WDPCP: variants seen among roughly 807,000 people sequenced by gnomAD.
WDPCP encodes WD repeat-containing and planar cell polarity effector protein fritz homolog.
Under a neutral mutation model 93.1 loss-of-function variants are expected in WDPCP, and 71 were observed. The observed-to-expected ratio is 0.76, with a 90% CI of 0.63 to 0.93. The LOEUF (loss-of-function observed/expected upper bound fraction) is 0.93, where lower values mean the gene tolerates loss of function less well. Among genes scored for constraint, WDPCP ranks in the 40% least tolerant of loss-of-function variants. The pLI is 0.00. For synonymous variants in WDPCP, 315 were observed against 315.0 expected, an observed-to-expected ratio of 1.00 and a Z score of 0.00; for missense variants, 844 against 887.4, an observed-to-expected ratio of 0.95 and a Z score of 0.62.
chr2:63,315,444 A>G (rs376178882), intron 12 of WDPCP, among the ~76,000 whole-genome samples: 2 of 152,138 alleles, frequency 1.3e-5, no homozygotes, highest in East Asian at 3.8e-4. Flanking sequence ...GAGGCCCTCA[A>G]TGATTTTTTA....
intron 2 of WDPCP, among the ~76,000 whole-genome samples, chr2:63,748,965 G>T (rs759309624): frequency 1.1e-4 from 16 of 152,040 alleles, no homozygotes; most frequent in Non-Finnish European, 2.1e-4. Flanking sequence ...GTGGTTTTTG[G>T]TAACACACAG....
chr2:63,361,374 C>G (rs1690441256), intron 12 of WDPCP, among the ~76,000 whole-genome samples: 1 of 152,102 alleles, frequency 6.6e-6, no homozygotes, highest in East Asian at 1.9e-4. Flanking sequence ...GGCCACTAAT[C>G]CTAAATTACA....
chr2:63,404,276 T>G lies in WDPCP; in HGVS notation c.1207A>C (p.Ile403Leu). The change falls in exon 10 of 18, where the codon ATT becomes CTT. Residue 403 changes from isoleucine to leucine, a missense_variant. Physicochemically the swap from Ile to Leu is conservative, Grantham distance 5. Coordinates refer to ENST00000272321, the MANE Select transcript of WDPCP (RefSeq NM_015910.7). ...LVGSNQGELQ[I>L]FDMALSPINI... ...ATAGGGGATAGAGCCATATCAAAAA[T>G]TTGCAACTCCCCTTGGTTGCTGCCA... is the stretch of plus-strand genomic sequence containing the variant. 1 of 1,614,018 alleles carries G rather than the reference T, an allele frequency of 6.2e-7. No homozygotes were observed.
intron 14 of WDPCP, among the ~76,000 whole-genome samples, chr2:63,235,539 C>T (rs1161966262): frequency 6.6e-6 from 1 of 152,086 alleles, no homozygotes; most frequent in Non-Finnish European, 1.5e-5. Context: ...GGCAAAGACA[C>T]AATGAAAACA....
chr2:63,508,203 C>A (rs577440422), intron 1 of WDPCP, among the ~76,000 whole-genome samples: 89 of 152,234 alleles, frequency 5.8e-4, no homozygotes, highest in Admixed American at 1.8e-3. Flanking sequence ...GGGTTACCCA[C>A]AAAGGAAAGC....
At position 63,713,782 on chromosome 2, in the gene WDPCP, A is replaced by T. The variant is rs147108250; in HGVS notation, n.309-62944T>A. On this transcript the variant is annotated intron_variant and non_coding_transcript_variant, in intron 2 of 4. Transcript: ENST00000467687. ...CATCAGAATTGGCTTCTTCATTTAAACCAATTCTCATCGTTAGGTTTGAGG... is the reference window on the plus strand; with the variant it reads ...CATCAGAATTGGCTTCTTCATTTAATCCAATTCTCATCGTTAGGTTTGAGG... 2.2e-3 allele frequency among the ~76,000 whole-genome samples: 331 copies of T among 152,294 alleles called. 1 individual carries two copies. The highest frequency in any genetic ancestry group is 6.8e-3 in the Middle Eastern group (2 of 294).
chr2:63,216,273 C>T (rs1048114305), intron 14 of WDPCP, among the ~76,000 whole-genome samples: 59 of 152,246 alleles, frequency 3.9e-4, no homozygotes, highest in Non-Finnish European at 7.1e-4. Context: ...TTTATTGCAA[C>T]ACTATTCACA....
chr2:63,489,571 C>T (rs1700752484), intron 2 of WDPCP, among the ~76,000 whole-genome samples: 1 of 152,000 alleles, frequency 6.6e-6, no homozygotes, highest in Admixed American at 6.6e-5. Flanking sequence ...GAAATTACAA[C>T]ATGAGTCTGG....
At chr2:63,171,566 C>T (rs1673392705) in intron 15 of WDPCP, among the ~76,000 whole-genome samples, 2 of 152,088 alleles carry the variant, frequency 1.3e-5, no homozygotes, top group South Asian at 2.1e-4. Context: ...AATTGGAACC[C>T]TTATATATTG....
At chr2:63,179,357 A>C (rs1420360826) in intron 14 of WDPCP, among the ~76,000 whole-genome samples, 1 of 151,756 alleles carries the variant, frequency 6.6e-6, no homozygotes, top group Admixed American at 6.6e-5. Flanking sequence ...AGGAAGGTGA[A>C]ATGGAAGGTG....
intron 9 of WDPCP, among the ~76,000 whole-genome samples, chr2:63,418,628 T>C (rs1489068451): frequency 6.6e-6 from 1 of 152,162 alleles, no homozygotes; most frequent in Non-Finnish European, 1.5e-5. Context: ...TTTCAGGAAC[T>C]GGTCATTAGA....
intron 6 of WDPCP, among the ~76,000 whole-genome samples, chr2:63,474,277 T>G (rs1179229964): frequency 6.6e-6 from 1 of 152,060 alleles, no homozygotes; most frequent in Non-Finnish European, 1.5e-5. Flanking sequence ...TTTACACACA[T>G]AAATACATAT....
At chr2:63,210,377 G>A (rs991395255) in intron 14 of WDPCP, among the ~76,000 whole-genome samples, 2 of 151,994 alleles carry the variant, frequency 1.3e-5, no homozygotes, top group African/African-American at 4.8e-5. Flanking sequence ...CTTCTTTGGT[G>A]TAATTAATTT....
chr2:63,755,181 T>G (rs1669944057), intron 2 of WDPCP, among the ~76,000 whole-genome samples: 1 of 152,222 alleles, frequency 6.6e-6, no homozygotes, highest in Non-Finnish European at 1.5e-5. Flanking sequence ...ATTCCATCAT[T>G]TCTGCACTAT....
intron 14 of WDPCP, among the ~76,000 whole-genome samples, chr2:63,184,945 A>G (rs1383685041): frequency 6.6e-6 from 1 of 151,846 alleles, no homozygotes; most frequent in Non-Finnish European, 1.5e-5. Context: ...AATTCAAAGG[A>G]TTTTCTTCAA....
chr2:63,212,333 A>G (rs1313438583), intron 14 of WDPCP, among the ~76,000 whole-genome samples: 2 of 152,218 alleles, frequency 1.3e-5, no homozygotes, highest in African/African-American at 4.8e-5. Flanking sequence ...AAAGAAAAGA[A>G]TTTTCAACCC....
chr2:63,342,136 G>A (rs1311234178), intron 12 of WDPCP, among the ~76,000 whole-genome samples: 6 of 152,078 alleles, frequency 3.9e-5, no homozygotes. Flanking sequence ...TCACAATAAG[G>A]TTCATGGTCT....
At chr2:63,613,389 A>T (rs1709636468) in intron 3 of WDPCP, among the ~76,000 whole-genome samples, 1 of 152,260 alleles carries the variant, frequency 6.6e-6, no homozygotes, top group Non-Finnish European at 1.5e-5. Context: ...GGATGGCTCC[A>T]GCCTGATGAA....
intron 14 of WDPCP, among the ~76,000 whole-genome samples, chr2:63,249,199 G>T (rs925056762): frequency 6.6e-6 from 1 of 152,096 alleles, no homozygotes; most frequent in Non-Finnish European, 1.5e-5. Flanking sequence ...AGCTAGGTTT[G>T]CTCTGAGCAT....
Sources: gnomAD v4.1 joint callset for allele counts (sites outside exome capture counted in the v4.1 genomes callset) on GRCh38, gnomAD v4.1.1 for gene constraint, MANE v1.5 for transcripts, NCBI Gene and HGNC (gene_info 2026-07-23, HGNC 2026-07-21) for gene names.